Variants in CRPPA observed in about 807,000 individuals in gnomAD.
The protein encoded by CRPPA is D-ribitol-5-phosphate cytidylyltransferase.
Under a neutral mutation model 52.0 loss-of-function variants are expected in CRPPA, and 43 were observed. The observed-to-expected ratio is 0.83, with a 90% CI of 0.65 to 1.07. The LOEUF is 1.07. Ranked by LOEUF, CRPPA falls within the 50% of genes least tolerant of loss-of-function variation. The pLI is 0.00. For missense variants in CRPPA, 629 were observed against 551.7 expected, an observed-to-expected ratio of 1.14 and a Z score of -1.40; for synonymous variants, 250 against 203.5, an observed-to-expected ratio of 1.23 and a Z score of -1.94.
At chr7:16,091,953 T>C (rs538456149) in intron 9 of CRPPA, among the ~76,000 whole-genome samples, 154 bp from the exon 10 acceptor site, 6 of 152,318 alleles carry the variant, frequency 3.9e-5, no homozygotes, top group African/African-American at 1.4e-4. Context: ...GTTCCCCGAA[T>C]AAAGAGGAAA....
At chr7:16,417,632 C>T (rs377496481) in intron 1 of CRPPA, among the ~76,000 whole-genome samples, 2 of 152,176 alleles carry the variant, frequency 1.3e-5, no homozygotes, top group South Asian at 4.1e-4. Flanking sequence ...CTGGGGATCA[C>T]TAGAGGGAGG....
intron 9 of CRPPA, among the ~76,000 whole-genome samples, chr7:16,160,260 G>C (rs1000577493): frequency 2.0e-5 from 3 of 152,170 alleles, no homozygotes; most frequent in African/African-American, 7.2e-5. Context: ...GTCCTGAATA[G>C]TACTGCCTAG....
chr7:16,396,683 CCAGT>C (rs1480488286), intron 2 of CRPPA, among the ~76,000 whole-genome samples: 1 of 152,178 alleles, frequency 6.6e-6, no homozygotes, highest in Admixed American at 6.5e-5. Context: ...CAAATGCCCA[CCAGT>C]CAATGAGTAG....
At chr7:16,275,865 A>G (rs1784192314) in intron 6 of CRPPA, among the ~76,000 whole-genome samples, 1 of 151,860 alleles carries the variant, frequency 6.6e-6, no homozygotes, top group African/African-American at 2.4e-5. Flanking sequence ...AATGACAGAA[A>G]GAAAGAAAAA....
intron 3 of CRPPA, among the ~76,000 whole-genome samples, chr7:16,373,461 A>C (rs1183217979): frequency 6.6e-6 from 1 of 152,238 alleles, no homozygotes; most frequent in African/African-American, 2.4e-5. Context: ...TACCAGGCAG[A>C]TTGCTAAGAA....
intron 2 of CRPPA, among the ~76,000 whole-genome samples, chr7:16,395,295 C>T (rs971280683): frequency 3.3e-5 from 5 of 152,186 alleles, no homozygotes; most frequent in African/African-American, 1.2e-4. Context: ...CCCACCTCTA[C>T]TGTTTGCTTT....
intron 3 of CRPPA, among the ~76,000 whole-genome samples, chr7:16,342,397 T>C (rs998113506): frequency 2.0e-5 from 3 of 152,162 alleles, no homozygotes; most frequent in Admixed American, 1.3e-4. Context: ...TAAATCATTA[T>C]TCTAATGATA....
At chr7:16,298,889 T>C (rs917315061) in intron 5 of CRPPA, among the ~76,000 whole-genome samples, 1 of 152,226 alleles carries the variant, frequency 6.6e-6, no homozygotes, top group South Asian at 2.1e-4. Context: ...CTGGGTCTTC[T>C]TGGGACTCCG....
chr7:16,125,795 G>C (rs1370524164), intron 9 of CRPPA, among the ~76,000 whole-genome samples: 4 of 151,598 alleles, frequency 2.6e-5, no homozygotes, highest in Admixed American at 6.6e-5. Flanking sequence ...GCTCGATCAA[G>C]ATGGTAACCT....
intron 6 of CRPPA, chr7:16,262,043 C>T (rs1783825042): frequency 6.6e-6 from 1 of 152,026 alleles, no homozygotes; most frequent in African/African-American, 2.4e-5. Context: ...ATGGGTTTTG[C>T]ATCTTGATGT....
intron 3 of CRPPA, among the ~76,000 whole-genome samples, chr7:16,334,382 C>A (rs2128430997): frequency 6.6e-6 from 1 of 152,146 alleles, no homozygotes. Flanking sequence ...TAGGGAATAC[C>A]CATAGAGGGA....
At chr7:16,270,790 A>G (rs1005180299) in intron 6 of CRPPA, among the ~76,000 whole-genome samples, 6 of 152,290 alleles carry the variant, frequency 3.9e-5, no homozygotes, top group Admixed American at 2.0e-4. Context: ...CTAAAATATA[A>G]TATGTATCAA....
At chr7:16,385,307 T>C (rs945063214) in intron 2 of CRPPA, among the ~76,000 whole-genome samples, 1 of 151,826 alleles carries the variant, frequency 6.6e-6, no homozygotes, top group African/African-American at 2.4e-5. Flanking sequence ...AGAAGCTCAA[T>C]GAAGTCCAAG....
intron 8 of CRPPA, among the ~76,000 whole-genome samples, chr7:16,222,409 C>A (rs1157403257): frequency 7.0e-6 from 1 of 143,448 alleles, no homozygotes; most frequent in Non-Finnish European, 1.5e-5. Flanking sequence ...CTAACCTGCA[C>A]AATGTGCACA....
At chr7:16,228,703 T>C (rs1023706190) in intron 8 of CRPPA, among the ~76,000 whole-genome samples, 2 of 151,814 alleles carry the variant, frequency 1.3e-5, no homozygotes, top group Admixed American at 1.3e-4. Context: ...ACTTGTTTCA[T>C]AGCCTAACAT....
intron 5 of CRPPA, among the ~76,000 whole-genome samples, chr7:16,286,101 T>TATATATATATATATATATATAG (rs1208409443): frequency 7.3e-5 from 5 of 68,828 alleles, no homozygotes; most frequent in Admixed American, 3.6e-4. Flanking sequence ...AAAAAAAATA[T>TATATATATATATATATATATAG]ATATATATAT....
chr7:16,306,156 C>G (rs910128030), intron 4 of CRPPA, among the ~76,000 whole-genome samples: 1 of 152,176 alleles, frequency 6.6e-6, no homozygotes, highest in Non-Finnish European at 1.5e-5. Context: ...CTACCCTATT[C>G]CAGCAGGACC....
intron 3 of CRPPA, among the ~76,000 whole-genome samples, chr7:16,372,010 TA>T (rs201700475): frequency 1.3e-4 from 19 of 150,188 alleles, no homozygotes; most frequent in African/African-American, 2.4e-4. Flanking sequence ...TCAGACGAAG[TA>T]AAAAAAAAAT....
At chr7:16,231,282 G>T (rs549004131) in intron 8 of CRPPA, among the ~76,000 whole-genome samples, 1 of 152,088 alleles carries the variant, frequency 6.6e-6, no homozygotes, top group Non-Finnish European at 1.5e-5. Context: ...TCTCTCACTT[G>T]GTTTCTTTAG....
Sources: gnomAD v4.1 joint callset for allele counts (sites outside exome capture counted in the v4.1 genomes callset) on GRCh38, gnomAD v4.1.1 for gene constraint, MANE v1.5 for transcripts, NCBI Gene and HGNC (gene_info 2026-07-23, HGNC 2026-07-21) for gene names.